The following MBTPS1 variants were observed in gnomAD, a reference collection of about 807,000 sequenced individuals.
The protein encoded by MBTPS1 is membrane-bound transcription factor site-1 protease.
MBTPS1 carries 94 observed loss-of-function variants against 127.8 expected under a neutral mutation model. That is an observed-to-expected ratio of 0.74 (90% confidence interval 0.62 to 0.87). The LOEUF (loss-of-function observed/expected upper bound fraction) is 0.87, where lower values mean the gene tolerates loss of function less well. MBTPS1 is among the 40% of genes least tolerant of loss of function. The pLI is 0.00. For missense variants in MBTPS1, 1,636 were observed against 1,353.2 expected (o/e 1.21, Z -3.28); for synonymous variants, 632 against 509.4 (o/e 1.24, Z -3.24).
chr16:84,099,967 T>C (rs2086231689), intron 2 of MBTPS1, among the ~76,000 whole-genome samples: 1 of 152,216 alleles, frequency 6.6e-6, no homozygotes, highest in Admixed American at 6.5e-5. Flanking sequence ...TTAGTGTTTC[T>C]TAAAACGAAA....
At position 84,060,804 on chromosome 16, in the gene MBTPS1, C is replaced by A; in HGVS notation, c.2582G>T (p.Trp861Leu). Residue 861 changes from tryptophan to leucine, a missense_variant, in exon 20 of 23, where the codon TGG becomes TTG. Trp to Leu is a moderately conservative substitution (Grantham distance 61, BLOSUM62 -2). Transcript: ENST00000343411. ...GTACTGGAGGAGGGCATCCAGAAGCCAAAAGCAGTCTGCGAAGTCAACAAG... is the reference window on the plus strand; with the variant it reads ...GTACTGGAGGAGGGCATCCAGAAGCAAAAAGCAGTCTGCGAAGTCAACAAG... ...DDSHRQKDCF[W>L]LLDALLQYTS... 1 of 1,582,668 alleles carries A rather than the reference C, an allele frequency of 6.3e-7. No homozygotes were observed. The highest frequency in any genetic ancestry group is 8.6e-7 in the Non-Finnish European group (1 of 1,164,086).
chr16:84,093,926 T>C (rs375919488), intron 4 of MBTPS1, 105 bp from the exon 5 acceptor site: 17 of 845,508 alleles, frequency 2.0e-5, no homozygotes, highest in African/African-American at 1.5e-4. Flanking sequence ...AAATGACATA[T>C]TGTGGAAGGC....
rs1335631844 is a variant in MBTPS1, at chr16:84,090,942, C to G, written c.964G>C (p.Val322Leu). 6.2e-7 allele frequency: 1 copy of G among 1,606,636 alleles called. No homozygotes were observed. The highest frequency in any genetic ancestry group is 2.2e-5 in the East Asian group (1 of 44,770). The change falls in exon 8 of 23, where the codon GTG becomes CTG. Residue 322 changes from valine to leucine, a missense_variant and splice_region_variant. By Grantham distance (32) the Val-to-Leu change is conservative (BLOSUM62 1). Coordinates refer to ENST00000343411, the MANE Select transcript of MBTPS1 (RefSeq NM_003791.4). ...DFMDHPFVDK[V>L]WELTANNVIM... ...ACATTGTTAGCTGTTAATTCCCACA[C>G]CTACAAAAGGAGCATTTATTTAATG...
chr16:84,069,728 A>C, intron 14 of MBTPS1, 138 bp downstream of exon 14: 1 of 806,344 alleles, frequency 1.2e-6, no homozygotes, highest in Non-Finnish European at 2.0e-6. Context: ...GCATGGCAAA[A>C]GCCTGAACAT....
At chr16:84,096,193 T>C (rs555101355) in intron 3 of MBTPS1, among the ~76,000 whole-genome samples, 15 of 152,316 alleles carry the variant, frequency 9.8e-5, no homozygotes, top group South Asian at 6.2e-4. Flanking sequence ...TAAGCATTCA[T>C]TGAGTTTTAT....
At chr16:84,065,853 T>C in intron 17 of MBTPS1, 86 bp from the exon 18 acceptor site, 1 of 711,446 alleles carries the variant, frequency 1.4e-6, no homozygotes, top group East Asian at 2.8e-5. Context: ...CAAAATACAT[T>C]CTTCAGATGC....
intron 1 of MBTPS1, among the ~76,000 whole-genome samples, chr16:84,114,170 C>G (rs2086437518): frequency 6.6e-6 from 1 of 151,930 alleles, no homozygotes; most frequent in Non-Finnish European, 1.5e-5. Flanking sequence ...ACTGTGTTAG[C>G]CAGGATGGTC....
intron 8 of MBTPS1, among the ~76,000 whole-genome samples, chr16:84,087,833 T>G (rs1034006569): frequency 2.0e-5 from 3 of 152,152 alleles, no homozygotes; most frequent in Non-Finnish European, 4.4e-5. Context: ...AACGACACAT[T>G]CTCACATCAC....
intron 1 of MBTPS1, among the ~76,000 whole-genome samples, chr16:84,106,590 G>A (rs554334157): frequency 6.6e-6 from 1 of 152,304 alleles, no homozygotes; most frequent in Admixed American, 6.5e-5. Flanking sequence ...GAAATCTGAG[G>A]AAACCGGGAG....
chr16:84,092,608 C>T (rs2086124683), intron 6 of MBTPS1, among the ~76,000 whole-genome samples: 1 of 152,168 alleles, frequency 6.6e-6, no homozygotes, highest in Non-Finnish European at 1.5e-5. Context: ...GTGTTACCTT[C>T]TGACATTTCT....
chr16:84,065,594 T>C, intron 18 of MBTPS1, 96 bp downstream of exon 18: 1 of 828,254 alleles, frequency 1.2e-6, no homozygotes, highest in South Asian at 1.4e-5. Context: ...AAAGCTTTTA[T>C]TAAAAAAGAG....
intron 1 of MBTPS1, among the ~76,000 whole-genome samples, chr16:84,111,540 CAAAAAAA>C (rs5818482): frequency 7.4e-6 from 1 of 134,544 alleles, no homozygotes; most frequent in African/African-American, 2.8e-5. Context: ...GACTCCATCT[CAAAAAAA>C]AAAAAGAAAA....
intron 9 of MBTPS1, among the ~76,000 whole-genome samples, chr16:84,085,770 T>A (rs1488523662): frequency 6.6e-6 from 1 of 152,018 alleles, no homozygotes; most frequent in African/African-American, 2.4e-5. Context: ...CACTGGCTTA[T>A]CACCAAGACC....
chr16:84,101,984 GCTT>G lies in MBTPS1; in HGVS notation c.-204_-202del, dbSNP rs2086263705. On this transcript the variant is annotated 5_prime_UTR_variant, in exon 2 of 23. Coordinates refer to ENST00000343411, the MANE Select transcript of MBTPS1 (RefSeq NM_003791.4). Reference sequence around the variant, plus strand: ...AAGAGAGGCTTTCATTTCTTTCTCCGCTTCTTCTCCATCTTGGAAATAAGGCTT... The same window carrying G: ...AAGAGAGGCTTTCATTTCTTTCTCCGCTTCTCCATCTTGGAAATAAGGCTT... The G allele has an allele frequency of 1.9e-6, 1 of 540,012 alleles. No individual in the cohort carries two copies. Among genetic ancestry groups the G allele is most frequent in the Non-Finnish European group, 3.3e-6 (1 of 302,708 alleles). The allele number at this position is 540,012 out of a possible 1,614,324, so 33.5% of individuals were successfully genotyped here. A position where few individuals can be genotyped will look rare whatever the true frequency, so the allele number is the denominator to read the frequency against.
intron 4 of MBTPS1, among the ~76,000 whole-genome samples, chr16:84,094,445 T>C (rs76645002): frequency 0.074 from 11,199 of 152,186 alleles, 486 homozygotes; most frequent in Admixed American, 0.11. Flanking sequence ...CTATTCCAGA[T>C]ACTGGCCAAA....
chr16:84,057,918 T>C (rs556194776), intron 21 of MBTPS1: 19 of 152,346 alleles, frequency 1.2e-4, no homozygotes, highest in African/African-American at 4.6e-4. Context: ...CTTCAAGTCC[T>C]GAACAACACT....
chr16:84,080,594 C>T lies in MBTPS1; in HGVS notation c.1448+1153G>A, dbSNP rs144169121. Among the ~76,000 whole-genome samples the T allele has an allele frequency of 3.9e-5, 6 of 152,378 alleles. No individual in the cohort carries two copies. In the East Asian group the frequency reaches 1.2e-3, roughly 29 times the overall value. The stretch of plus-strand genomic sequence containing the variant: ...TCCTCACACGTCTGTGCCAAGGCCA[C>T]GCTTCCCCTGGGGCTGCTCCCAGCC... On this transcript the variant is annotated intron_variant, in intron 11 of 22. Transcript: ENST00000343411.
Position 84,060,766 on chromosome 16 carries a change from C to T in MBTPS1, c.2620G>A (p.Val874Met), listed in dbSNP as rs746639845. The T allele has an allele frequency of 2.5e-6, 4 of 1,607,210 alleles. No individual in the cohort carries two copies. Among genetic ancestry groups the T allele is most frequent in the Non-Finnish European group, 3.4e-6 (4 of 1,176,888 alleles). The change falls in exon 20 of 23, where the codon GTG (valine) becomes ATG (methionine). Residue 874 changes from valine (V) to methionine (M), a missense_variant. Coordinates refer to ENST00000343411, the MANE Select transcript of MBTPS1 (RefSeq NM_003791.4). ...DALLQYTSYG[V>M]TPPSLSHSGN... is the part of the protein sequence containing the mutation. ...GAGTGACTGAGGCTAGGCGGTGTCA[C>T]CCCATACGATGTGTACTGGAGGAGG...
intron 2 of MBTPS1, among the ~76,000 whole-genome samples, chr16:84,101,294 C>G (rs1185640590): frequency 6.6e-6 from 1 of 151,214 alleles, no homozygotes; most frequent in Non-Finnish European, 1.5e-5. Context: ...AGTGAGACTC[C>G]ATCTCAAAAA....
Sources: gnomAD v4.1 joint callset for allele counts (sites outside exome capture counted in the v4.1 genomes callset) on GRCh38, gnomAD v4.1.1 for gene constraint, MANE v1.5 for transcripts, NCBI Gene and HGNC (gene_info 2026-07-23, HGNC 2026-07-21) for gene names.